The following SORCS1 variants were observed in gnomAD, a reference collection of about 807,000 sequenced individuals.
SORCS1 encodes the protein sortilin related VPS10 domain containing receptor 1, also known as VPS10 domain-containing receptor SorCS1.
In SORCS1, 60 loss-of-function variants were observed where a neutral mutation model predicts 146.1. That is an observed-to-expected ratio of 0.41 (90% CI 0.33 to 0.51). The LOEUF (loss-of-function observed/expected upper bound fraction) is 0.51. Among genes scored for constraint, SORCS1 ranks in the 20% least tolerant of loss-of-function variants. The probability of loss-of-function intolerance (pLI) is 0.21; values close to 1 mark genes in which losing one functional copy is unlikely to be tolerated. For missense variants in SORCS1, 1,352 were observed against 1,487.6 expected, an observed-to-expected ratio of 0.91 and a Z score of 1.50; for synonymous variants, 637 against 584.0, an observed-to-expected ratio of 1.09 and a Z score of -1.31.
intron 18 of SORCS1, among the ~76,000 whole-genome samples, chr10:106,635,421 A>T (rs992685994): frequency 1.3e-5 from 2 of 152,194 alleles, no homozygotes; most frequent in African/African-American, 4.8e-5. Flanking sequence ...ATAAGCAACA[A>T]ATAACACAGT....
intron 10 of SORCS1, among the ~76,000 whole-genome samples, chr10:106,684,849 C>G (rs1475548542): frequency 1.3e-5 from 2 of 152,292 alleles, no homozygotes; most frequent in African/African-American, 4.8e-5. Flanking sequence ...TAACAGTCTT[C>G]GTCTCCTGTA....
chr10:106,620,100 C>T (rs902708647), intron 20 of SORCS1: 1 of 184,586 alleles, frequency 5.4e-6, no homozygotes, highest in African/African-American at 2.3e-5. Flanking sequence ...GACTCAATTT[C>T]AGGACTGTTG....
chr10:107,055,072 G>C (rs1247654637), intron 1 of SORCS1, among the ~76,000 whole-genome samples: 3 of 152,208 alleles, frequency 2.0e-5, no homozygotes, highest in Non-Finnish European at 4.4e-5. Flanking sequence ...AATGCTGGAA[G>C]AGCACAGAGT....
At chr10:107,022,122 G>A (rs186407444) in intron 1 of SORCS1, among the ~76,000 whole-genome samples, 1 of 152,152 alleles carries the variant, frequency 6.6e-6, no homozygotes. Flanking sequence ...AGGGGCTGAA[G>A]GGAAGGAATA....
At chr10:106,879,426 T>G (rs977671257) in intron 2 of SORCS1, among the ~76,000 whole-genome samples, 3 of 152,232 alleles carry the variant, frequency 2.0e-5, no homozygotes, top group African/African-American at 7.2e-5. Context: ...TATTTAGTTA[T>G]TTTTAACCAC....
intron 23 of SORCS1, chr10:106,600,531 T>C (rs1846176567): frequency 1.0e-6 from 1 of 985,196 alleles, no homozygotes; most frequent in African/African-American, 1.7e-5. Flanking sequence ...ATTTTAGATG[T>C]TTTCCACACC....
chr10:106,741,276 G>T (rs1857340816), intron 5 of SORCS1, among the ~76,000 whole-genome samples: 1 of 121,746 alleles, frequency 8.2e-6, no homozygotes, highest in Admixed American at 7.1e-5. Flanking sequence ...GTGTTAACTA[G>T]GAAGATAATG....
intron 2 of SORCS1, among the ~76,000 whole-genome samples, chr10:106,889,594 C>T (rs561435063): frequency 6.6e-6 from 1 of 151,124 alleles, no homozygotes; most frequent in South Asian, 2.1e-4. Context: ...GAAACCCCGT[C>T]TCTACTAAAC....
intron 17 of SORCS1, among the ~76,000 whole-genome samples, chr10:106,655,207 G>A (rs1369477326): frequency 6.6e-6 from 1 of 152,056 alleles, no homozygotes; most frequent in African/African-American, 2.4e-5. Flanking sequence ...TTAAGTATAT[G>A]TAAAAGAGAA....
At chr10:106,871,109 A>C (rs1370023566) in intron 2 of SORCS1, among the ~76,000 whole-genome samples, 1 of 152,200 alleles carries the variant, frequency 6.6e-6, no homozygotes, top group African/African-American at 2.4e-5. Flanking sequence ...AAAGATCAAT[A>C]TCATTGATCA....
chr10:106,785,262 A>AC (rs1449676311), intron 3 of SORCS1, among the ~76,000 whole-genome samples: 1 of 152,218 alleles, frequency 6.6e-6, no homozygotes, highest in Non-Finnish European at 1.5e-5. Context: ...AGAGACTAGA[A>AC]GTTGACATTA....
At chr10:107,103,141 T>C (rs1215852888) in intron 1 of SORCS1, among the ~76,000 whole-genome samples, 1 of 152,216 alleles carries the variant, frequency 6.6e-6, no homozygotes, top group Non-Finnish European at 1.5e-5. Context: ...ATTATTACTC[T>C]TTGACATAGT....
intron 8 of SORCS1, among the ~76,000 whole-genome samples, chr10:106,705,052 T>C (rs1854420063): frequency 6.6e-6 from 1 of 152,112 alleles, no homozygotes; most frequent in Non-Finnish European, 1.5e-5. Flanking sequence ...GTTATCCAAT[T>C]CTCATCTAAG....
chr10:106,931,776 T>A (rs1360386768), intron 2 of SORCS1, among the ~76,000 whole-genome samples: 1 of 152,240 alleles, frequency 6.6e-6, no homozygotes, highest in Non-Finnish European at 1.5e-5. Context: ...TCTATCAAAA[T>A]GAACTCACTG....
chr10:106,637,790 C>A (rs762728411), intron 18 of SORCS1, among the ~76,000 whole-genome samples: 5 of 152,184 alleles, frequency 3.3e-5, no homozygotes, highest in South Asian at 2.1e-4. Context: ...ACTTGCCTAA[C>A]TAAATACCCA....
chr10:106,754,630 G>A (rs901761518), intron 5 of SORCS1, among the ~76,000 whole-genome samples: 2 of 152,170 alleles, frequency 1.3e-5, no homozygotes, highest in African/African-American at 4.8e-5. Context: ...GATGGGGAAT[G>A]GGAAGTCATT....
chr10:107,083,379 A>C (rs1160706726), intron 1 of SORCS1, among the ~76,000 whole-genome samples: 1 of 151,940 alleles, frequency 6.6e-6, no homozygotes, highest in Non-Finnish European at 1.5e-5. Flanking sequence ...GTTGTGTTTT[A>C]TTTCAATTTT....
intron 5 of SORCS1, among the ~76,000 whole-genome samples, chr10:106,752,951 G>C (rs1858367229): frequency 6.6e-6 from 1 of 152,028 alleles, no homozygotes; most frequent in Non-Finnish European, 1.5e-5. Flanking sequence ...GATTCTAAAT[G>C]GTAAGATATT....
chr10:106,828,893 T>C (rs1948413818), intron 3 of SORCS1, among the ~76,000 whole-genome samples: 2 of 152,160 alleles, frequency 1.3e-5, no homozygotes, highest in African/African-American at 2.4e-5. Context: ...CAAGACGCCT[T>C]AACTCTAGTC....
Sources: allele counts gnomAD v4.1 joint callset (sites outside exome capture counted in the v4.1 genomes callset), GRCh38; gene constraint gnomAD v4.1.1; transcripts MANE v1.5; gene names NCBI Gene and HGNC (gene_info 2026-07-23, HGNC 2026-07-21).